The following IKZF3 variants were observed in gnomAD, a reference collection of about 807,000 sequenced individuals.
IKZF3 encodes the protein zinc finger protein Aiolos.
A neutral mutation model predicts 49.0 loss-of-function variants in IKZF3; 10 were observed. The observed-to-expected ratio is 0.20, with a 90% confidence interval of 0.13 to 0.35. The LOEUF is 0.35. Ranked by LOEUF, IKZF3 falls within the 10% of genes least tolerant of loss-of-function variation. IKZF3 has a pLI of 1.00. For missense variants in IKZF3, 498 were observed against 664.8 expected (o/e 0.75, Z 2.76); for synonymous variants, 209 against 228.2 (o/e 0.92, Z 0.76).
intron 1 of IKZF3, among the ~76,000 whole-genome samples, chr17:39,857,133 T>C (rs528114967): frequency 1.1e-3 from 167 of 152,288 alleles, no homozygotes; most frequent in Non-Finnish European, 2.0e-3. Context: ...AACTAAGAGA[T>C]AGAGGTAGAT....
intron 1 of IKZF3, among the ~76,000 whole-genome samples, chr17:39,848,463 A>T (rs1568059507): frequency 6.6e-6 from 1 of 152,224 alleles, no homozygotes; most frequent in East Asian, 1.9e-4. Flanking sequence ...TTGCTACTTT[A>T]AAAAGATGTT....
chr17:39,839,327 T>C (rs1010390595), intron 1 of IKZF3: 3 of 521,062 alleles, frequency 5.8e-6, no homozygotes, highest in African/African-American at 2.0e-5. Flanking sequence ...GATTGTGACC[T>C]TGAGACAGCA....
At chr17:39,811,234 C>G (rs201395596) in intron 3 of IKZF3, among the ~76,000 whole-genome samples, 1 of 2,102 alleles carries the variant, frequency 4.8e-4, no homozygotes, top group Non-Finnish European at 1.1e-3. Context: ...AAGACCCTGT[C>G]TGAAAGAAAG....
intron 3 of IKZF3, among the ~76,000 whole-genome samples, chr17:39,829,179 T>C (rs16965360): frequency 0.035 from 5,359 of 152,252 alleles, 329 homozygotes; most frequent in African/African-American, 0.12. Context: ...GTTAATATAA[T>C]TGGAACACTG....
intron 3 of IKZF3, among the ~76,000 whole-genome samples, chr17:39,828,801 C>T (rs2062025711): frequency 6.6e-6 from 1 of 151,954 alleles, no homozygotes; most frequent in African/African-American, 2.4e-5. Flanking sequence ...AGTTCCTGGC[C>T]AGCCTGGCCA....
chr17:39,772,196 G>A (rs1231860499), intron 7 of IKZF3, among the ~76,000 whole-genome samples: 1 of 152,208 alleles, frequency 6.6e-6, no homozygotes, highest in African/African-American at 2.4e-5. Flanking sequence ...GTTGAAGACA[G>A]ATTGTGGAGG....
At chr17:39,774,039 G>GTC (rs2060512437) in intron 7 of IKZF3, among the ~76,000 whole-genome samples, 1 of 151,914 alleles carries the variant, frequency 6.6e-6, no homozygotes, top group African/African-American at 2.4e-5. Context: ...GCATGTTTGT[G>GTC]TCTCAAAATA....
chr17:39,850,927 T>G (rs895946707), intron 1 of IKZF3, among the ~76,000 whole-genome samples: 1 of 132,792 alleles, frequency 7.5e-6, no homozygotes, highest in Admixed American at 8.1e-5. Flanking sequence ...TATACATATA[T>G]TATATATACG....
At chr17:39,831,253 A>C (rs980291413) in intron 2 of IKZF3, among the ~76,000 whole-genome samples, 1 of 152,090 alleles carries the variant, frequency 6.6e-6, no homozygotes, top group Non-Finnish European at 1.5e-5. Flanking sequence ...GCATGCCTGT[A>C]ATCTCAGCTA....
intron 2 of IKZF3, 77 bp downstream of exon 2, chr17:39,832,021 A>G (rs1568035691): frequency 9.4e-7 from 1 of 1,065,588 alleles, no homozygotes; most frequent in Non-Finnish European, 1.4e-6. Context: ...TACTGCAACC[A>G]GAATAAGCAC....
Position 39,796,034 on chromosome 17 carries a change from G to A in IKZF3, c.164-3101C>T, listed in dbSNP as rs768467895. Among the ~76,000 whole-genome samples, 39 of 151,732 alleles carry A rather than the reference G, an allele frequency of 2.6e-4. 1 individual carries two copies. Among genetic ancestry groups the A allele is most frequent in the Admixed American group, 8.5e-4 (13 of 15,236 alleles). On this transcript the variant is annotated intron_variant, in intron 3 of 7. Transcript: ENST00000346872. Reference sequence around the variant, plus strand: ...TCCAGCCTGGGCGACAGAGCGAGACGCCATCTCAAAAAAGATAAAATAAAA... The same window carrying A: ...TCCAGCCTGGGCGACAGAGCGAGACACCATCTCAAAAAAGATAAAATAAAA...
chr17:39,793,412 A>T (rs2061080307), intron 3 of IKZF3, among the ~76,000 whole-genome samples: 1 of 152,196 alleles, frequency 6.6e-6, no homozygotes, highest in Non-Finnish European at 1.5e-5. Flanking sequence ...TGACTAGTTA[A>T]CATAGTTTTT....
chr17:39,794,818 AAGGATGCACCTG>A (rs2061122599), intron 3 of IKZF3, among the ~76,000 whole-genome samples: 1 of 152,078 alleles, frequency 6.6e-6, no homozygotes, highest in Non-Finnish European at 1.5e-5. Flanking sequence ...TTTTTAAGAG[AAGGATGCACCTG>A]AGGCTTGTAC....
chr17:39,832,664 T>A (rs2062146478), intron 1 of IKZF3, among the ~76,000 whole-genome samples: 3 of 152,070 alleles, frequency 2.0e-5, no homozygotes, highest in African/African-American at 7.2e-5. Context: ...CTCATTCATA[T>A]ATGACAGTAA....
chr17:39,827,706 A>T (rs2061995765), intron 3 of IKZF3, among the ~76,000 whole-genome samples: 1 of 152,264 alleles, frequency 6.6e-6, no homozygotes, highest in Non-Finnish European at 1.5e-5. Context: ...GAACCAGAAC[A>T]GAAGATATTG....
chr17:39,831,266 C>T (rs1178684847), intron 2 of IKZF3, among the ~76,000 whole-genome samples: 2 of 151,898 alleles, frequency 1.3e-5, no homozygotes, highest in Non-Finnish European at 2.9e-5. Flanking sequence ...CTCAGCTACT[C>T]AGGAGGCTGA....
At chr17:39,812,926 G>A (rs2061594679) in intron 3 of IKZF3, among the ~76,000 whole-genome samples, 1 of 151,952 alleles carries the variant, frequency 6.6e-6, no homozygotes, top group South Asian at 2.1e-4. Flanking sequence ...GTGAAACCCC[G>A]TGTCTACTAA....
chr17:39,783,120 G>A (rs1022907433), intron 6 of IKZF3, among the ~76,000 whole-genome samples: 12 of 152,164 alleles, frequency 7.9e-5, no homozygotes, highest in African/African-American at 2.4e-4. Flanking sequence ...GTTAAGTGGA[G>A]CTTAAATAAG....
At chr17:39,835,980 T>C (rs569160162) in intron 1 of IKZF3, 2 of 637,916 alleles carry the variant, frequency 3.1e-6, no homozygotes, top group South Asian at 3.0e-5. Context: ...TTTGTTGATG[T>C]AGCTCTTGGA....
Sources: allele counts gnomAD v4.1 joint callset (sites outside exome capture counted in the v4.1 genomes callset), GRCh38; gene constraint gnomAD v4.1.1; transcripts MANE v1.5; gene names NCBI Gene and HGNC (gene_info 2026-07-23, HGNC 2026-07-21).